FBLN1: variants seen among roughly 807,000 people sequenced by gnomAD.
FBLN1 encodes the protein fibulin 1.
In FBLN1, 34 loss-of-function variants were observed where a neutral mutation model predicts 89.7. That is an observed-to-expected ratio of 0.38 (90% CI 0.29 to 0.50). The LOEUF is 0.50. Ranked by LOEUF, FBLN1 falls within the 20% of genes least tolerant of loss-of-function variation. The probability of loss-of-function intolerance (pLI) is 0.92; values close to 1 mark genes in which losing one functional copy is unlikely to be tolerated. For synonymous variants in FBLN1, 393 were observed against 391.3 expected, an observed-to-expected ratio of 1.00 and a Z score of -0.05; for missense variants, 777 against 988.1, an observed-to-expected ratio of 0.79 and a Z score of 2.86.
At chr22:45,533,204 C>T (rs1281643657) in intron 6 of FBLN1, 40 bp downstream of exon 6, 2 of 1,561,246 alleles carry the variant, frequency 1.3e-6, no homozygotes, top group Middle Eastern at 1.7e-4. Context: ...ACTGGCCGGT[C>T]ACTGTGCTTG....
intron 8 of FBLN1, among the ~76,000 whole-genome samples, chr22:45,538,033 A>G (rs1259127722): frequency 6.6e-6 from 1 of 152,258 alleles, no homozygotes; most frequent in African/African-American, 2.4e-5. Context: ...TCCTCTCTAC[A>G]GGGTGCAGCA....
At chr22:45,543,568 T>C (rs915733234) in intron 11 of FBLN1, 42 bp downstream of exon 11, 7 of 1,605,390 alleles carry the variant, frequency 4.4e-6, no homozygotes, top group Non-Finnish European at 5.9e-6. Context: ...CCAGGTCACC[T>C]TCCTCCTGGG....
At chr22:45,520,810 A>T (rs1450229098) in intron 2 of FBLN1, among the ~76,000 whole-genome samples, 12 of 151,660 alleles carry the variant, frequency 7.9e-5, no homozygotes, top group Admixed American at 7.2e-4. Flanking sequence ...TAAATTTTGG[A>T]GTTATCTTTT....
intron 2 of FBLN1, among the ~76,000 whole-genome samples, chr22:45,524,137 C>T (rs144665924): frequency 0.012 from 1,890 of 152,308 alleles, 49 homozygotes; most frequent in African/African-American, 0.042. Context: ...GGGTTCAGAC[C>T]TCCAGTCCCC....
rs2089060344 is a variant in FBLN1 at position 45,583,643 on chromosome 22, G to A, written c.1972+6535G>A. On this transcript the variant is annotated intron_variant, in intron 16 of 16. Coordinates refer to ENST00000327858, the MANE Select transcript of FBLN1 (RefSeq NM_006486.3). This position sits in a 1 kb window ranked among gnomAD's most constrained non-coding sequence, Gnocchi z 4.5. ...TAGGCCTGATCAGGAAGGAAGCTGG[G>A]TTTTGGTGTGCCAGTCAGGTGAGAC... 6.6e-6 allele frequency among the ~76,000 whole-genome samples: 1 copy of A among 152,186 alleles called. No homozygotes were observed. The highest frequency in any genetic ancestry group is 1.5e-5 in the Non-Finnish European group (1 of 68,038).
chr22:45,538,126 T>A lies in FBLN1; in HGVS notation c.922+2789T>A, dbSNP rs569801867. Among the ~76,000 whole-genome samples the A allele has an allele frequency of 7.9e-5, 12 of 152,348 alleles. No homozygotes were observed. In the South Asian group the frequency reaches 2.5e-3, roughly 32 times the overall value. On this transcript the variant is annotated intron_variant, in intron 8 of 16. Coordinates refer to ENST00000327858, the MANE Select transcript of FBLN1 (RefSeq NM_006486.3). ...GCAGGCTGTGGGCTGAAGGCCAGCC[T>A]GGCGGCACTGAGCTGTTCCGTGCCA...
chr22:45,574,633 G>C lies in FBLN1; in HGVS notation c.1820G>C (p.Arg607Pro), dbSNP rs144939010. 6.2e-7 allele frequency: 1 copy of C among 1,613,948 alleles called. No homozygotes were observed. Among genetic ancestry groups the C allele is most frequent in the Non-Finnish European group, 8.5e-7 (1 of 1,180,004 alleles). ...SHTVISLPTF[R>P]EFTRPEEIIF... ...ACCGTCATCTCGCTGCCTACCTTCC[G>C]CGAGTTCACCCGCCCTGAAGGTGAG... The change falls in exon 15 of 17, where the codon CGC (arginine) becomes CCC (proline). Residue 607 changes from arginine (R) to proline (P), a missense_variant. Arg to Pro is a moderately radical substitution (Grantham distance 103). Coordinates refer to ENST00000327858, the MANE Select transcript of FBLN1 (RefSeq NM_006486.3). The surrounding 1 kb of genome is among the most constrained non-coding windows in gnomAD (Gnocchi z 4.1).
Position 45,543,422 on chromosome 22 carries a change from AC to A in FBLN1, c.1221del (p.Arg409AlafsTer122). 6.2e-7 allele frequency: 1 copy of A among 1,613,140 alleles called. No homozygotes were observed. Among genetic ancestry groups the A allele is most frequent in the Non-Finnish European group, 8.5e-7 (1 of 1,179,938 alleles). Reference protein sequence around the residue: ...MCVDVNECQRYPGRLCGHKCE... With the variant: ...MCVDVNECQRXPGRLCGHKCE... ...TCAGATGTCAACGAGTGCCAGCGCT[AC>A]CCCGGGCGCCTGTGTGGCCACAAGT... On this transcript the variant is annotated frameshift_variant, in exon 11 of 17. Coordinates refer to ENST00000327858, the MANE Select transcript of FBLN1 (RefSeq NM_006486.3). LOFTEE classifies it high-confidence loss of function.
intron 14 of FBLN1, among the ~76,000 whole-genome samples, chr22:45,553,476 G>C (rs1334149606): frequency 6.6e-6 from 1 of 152,222 alleles, no homozygotes; most frequent in African/African-American, 2.4e-5. Context: ...CTGGCTAAAA[G>C]GGATTTTTGG....
rs1569260201 is a variant in FBLN1, at chr22:45,568,594, A to AATGCCTCTTCTGTAGGGC, written c.1698-5913_1698-5912insCTCTTCTGTAGGGCATGC. On this transcript the variant is annotated intron_variant, in intron 14 of 16. Coordinates refer to ENST00000327858, the MANE Select transcript of FBLN1 (RefSeq NM_006486.3). ...CTGTAGGAGAATGCTCCTGTAGGGG[A>AATGCCTCTTCTGTAGGGC]ATGCTCCTTCTGTAAGGGAATGCTC... Among the ~76,000 whole-genome samples, 39 of 40,768 alleles carry AATGCCTCTTCTGTAGGGC rather than the reference A, an allele frequency of 9.6e-4. 7 individuals carry two copies. Among genetic ancestry groups the AATGCCTCTTCTGTAGGGC allele is most frequent in the African/African-American group, 3.6e-3 (37 of 10,272 alleles). 26.7% of individuals were successfully genotyped at this position (40,768 alleles called of 152,430 possible).
In FBLN1 at chr22:45,576,019, C is replaced by T. The variant is rs1424699701; in HGVS notation, c.1841-958C>T. On this transcript the variant is annotated intron_variant, in intron 15 of 16. Transcript: ENST00000327858. This position sits in a 1 kb window ranked among gnomAD's most constrained non-coding sequence, Gnocchi z 5.2. ...CCAGCCGCGAGGACACCAGTGTTTA[C>T]ACCATGACACAACCATGCGGGGGGG... Among the ~76,000 whole-genome samples, 1 of 151,974 alleles carries T rather than the reference C, an allele frequency of 6.6e-6. No individual in the cohort carries two copies. The highest frequency in any genetic ancestry group is 1.5e-5 in the Non-Finnish European group (1 of 67,990).
At position 45,543,544 on chromosome 22, in the gene FBLN1, T is replaced by G. The variant is rs1602193493; in HGVS notation, c.1321+18T>G. The G allele has an allele frequency of 3.7e-6, 6 of 1,611,098 alleles. No individual in the cohort carries two copies. Among genetic ancestry groups the G allele is most frequent in the Non-Finnish European group, 3.4e-6 (4 of 1,179,644 alleles). On this transcript the variant is annotated intron_variant, in intron 11 of 16. Coordinates refer to ENST00000327858, the MANE Select transcript of FBLN1 (RefSeq NM_006486.3). ...ATGTGAAGGTGAGGCTGGGGCCCCG[T>G]CCACTCACCTCCCCCAGGTCACCTT...
At chr22:45,593,169 C>T (rs1429930290) in intron 16 of FBLN1, among the ~76,000 whole-genome samples, 1 of 148,500 alleles carries the variant, frequency 6.7e-6, no homozygotes, top group Non-Finnish European at 1.5e-5. Flanking sequence ...CCCCCCACCC[C>T]CCGCCACTGA....
intron 14 of FBLN1, chr22:45,558,232 T>C: frequency 1.8e-6 from 1 of 554,946 alleles, no homozygotes. Context: ...CCACTTCCAT[T>C]TGATGATGGA....
chr22:45,556,687 T>C lies in FBLN1; in HGVS notation c.1697+6072T>C, dbSNP rs977595543. On this transcript the variant is annotated intron_variant, in intron 14 of 16. Coordinates refer to ENST00000327858, the MANE Select transcript of FBLN1 (RefSeq NM_006486.3). The surrounding 1 kb of genome is among the most constrained non-coding windows in gnomAD (Gnocchi z 4.6). ...CTGGGTCAGCCACCCCAGCCAACAC[T>C]GTAACTCCCTTCTTAGCCTGTTGAC... 1.1e-4 allele frequency among the ~76,000 whole-genome samples: 16 copies of C among 152,314 alleles called. No individual in the cohort carries two copies. Among genetic ancestry groups the C allele is most frequent in the Admixed American group, 3.3e-4 (5 of 15,298 alleles).
chr22:45,597,379 C>T lies in FBLN1; in HGVS notation c.1973-2928C>T, dbSNP rs1355309784. Reference sequence around the variant, plus strand: ...ACAGTGATTCACAGGCTCACCCAGCCTCTCCTTCTCCTTCAAGCCCCAAAC... The same window carrying T: ...ACAGTGATTCACAGGCTCACCCAGCTTCTCCTTCTCCTTCAAGCCCCAAAC... On this transcript the variant is annotated intron_variant, in intron 16 of 16. Transcript: ENST00000327858. This position sits in a 1 kb window ranked among gnomAD's most constrained non-coding sequence, Gnocchi z 4.2. 1.3e-5 allele frequency among the ~76,000 whole-genome samples: 2 copies of T among 152,202 alleles called. No homozygotes were observed. Among genetic ancestry groups the T allele is most frequent in the African/African-American group, 4.8e-5 (2 of 41,434 alleles).
chr22:45,554,744 G>A (rs2088756450), intron 14 of FBLN1, among the ~76,000 whole-genome samples: 1 of 152,188 alleles, frequency 6.6e-6, no homozygotes, highest in African/African-American at 2.4e-5. Flanking sequence ...GAGCACCTGG[G>A]CCAGGTCCTC....
At chr22:45,553,576 C>T (rs901378360) in intron 14 of FBLN1, among the ~76,000 whole-genome samples, 3 of 152,230 alleles carry the variant, frequency 2.0e-5, no homozygotes, top group Admixed American at 1.3e-4. Context: ...ATCATTGAAG[C>T]CAGGACTTAC....
intron 16 of FBLN1, among the ~76,000 whole-genome samples, chr22:45,593,064 G>A (rs548116146): frequency 1.3e-5 from 2 of 152,222 alleles, no homozygotes; most frequent in South Asian, 2.1e-4. Flanking sequence ...ACAGCTGGTC[G>A]ATGCAGAGCC....
Sources: allele counts gnomAD v4.1 joint callset (sites outside exome capture counted in the v4.1 genomes callset), GRCh38; gene constraint gnomAD v4.1.1; non-coding constraint Gnocchi (gnomAD v3.1); transcripts MANE v1.5; gene names NCBI Gene and HGNC (gene_info 2026-07-23, HGNC 2026-07-21).